Variants in JMY observed in about 807,000 individuals in gnomAD.
The protein encoded by JMY is junction mediating and regulatory protein, p53 cofactor, also known as junction-mediating and -regulatory protein.
A neutral mutation model predicts 103.3 loss-of-function variants in JMY; 46 were observed. That is an observed-to-expected ratio of 0.45 (90% confidence interval 0.35 to 0.57). JMY has a LOEUF of 0.57. Among genes scored for constraint, JMY ranks in the 20% least tolerant of loss-of-function variants. JMY has a pLI of 0.00. For missense variants in JMY, 1,238 were observed against 1,255.2 expected (o/e 0.99, Z 0.21); for synonymous variants, 526 against 489.3 (o/e 1.07, Z -0.99).
Position 79,291,242 on chromosome 5 carries a change from G to C in JMY, c.1470G>C (p.Gln490His). The C allele has an allele frequency of 6.2e-7, 1 of 1,613,166 alleles. No individual in the cohort carries two copies. Among genetic ancestry groups the C allele is most frequent in the Non-Finnish European group, 8.5e-7 (1 of 1,179,648 alleles). ...LQYAVSKETLQMMRAKEICLE... is the reference protein window; with the variant it reads ...LQYAVSKETLHMMRAKEICLE... ...ATGCAGTTTCTAAGGAAACTTTGCA[G>C]ATGATGAGAGCTAAAGAGATATGCT... Residue 490 changes from glutamine (Q) to histidine (H), a missense_variant, in exon 4 of 11, where the codon CAG becomes CAC. Coordinates refer to ENST00000396137, the MANE Select transcript of JMY (RefSeq NM_152405.5).
chr5:79,238,299 T>C (rs528982757), intron 1 of JMY, among the ~76,000 whole-genome samples: 8 of 152,294 alleles, frequency 5.3e-5, no homozygotes, highest in African/African-American at 1.9e-4. Context: ...CAGGTTTCAC[T>C]GCTGTTTTAG....
At chr5:79,256,552 C>A (rs995008106) in intron 1 of JMY, among the ~76,000 whole-genome samples, 1 of 152,164 alleles carries the variant, frequency 6.6e-6, no homozygotes, top group African/African-American at 2.4e-5. Context: ...TCATCTTGCT[C>A]TGTCCTATTC....
Position 79,300,704 on chromosome 5 carries a change from CACTT to C in JMY, c.1725_1728del (p.Tyr576LysfsTer80). 6.2e-7 allele frequency: 1 copy of C among 1,608,100 alleles called. No individual in the cohort carries two copies. The highest frequency in any genetic ancestry group is 8.5e-7 in the Non-Finnish European group (1 of 1,178,466). On this transcript the variant is annotated frameshift_variant, in exon 6 of 11. Transcript: ENST00000396137. LOFTEE classifies it high-confidence loss of function. ...AAAGAGATGAAGTGGTATACTATGA[CACTT>C]ACGAAAGCATGGAGGCCATGCTGGA...
intron 1 of JMY, among the ~76,000 whole-genome samples, chr5:79,249,606 G>A (rs1331747851): frequency 6.6e-6 from 1 of 152,160 alleles, no homozygotes; most frequent in Non-Finnish European, 1.5e-5. Context: ...GGAGGAACAG[G>A]TATTTATCTG....
At chr5:79,301,693 T>A (rs1169281004) in intron 6 of JMY, among the ~76,000 whole-genome samples, 1 of 152,218 alleles carries the variant, frequency 6.6e-6, no homozygotes, top group Non-Finnish European at 1.5e-5. Flanking sequence ...CACATAATTA[T>A]GTGCCTTTGC....
rs773033360 is a variant in JMY at position 79,300,279 on chromosome 5, T to A, written c.1654T>A (p.Leu552Met). The A allele has an allele frequency of 6.3e-7, 1 of 1,590,746 alleles. No homozygotes were observed. Among genetic ancestry groups the A allele is most frequent in the South Asian group, 1.1e-5 (1 of 87,254 alleles). Reference sequence around the variant, plus strand: ...AATCTTGAAGTGTGAAGAGTTACTATTGACAGCGCAACTAGAAAGCATCAA... The same window carrying A: ...AATCTTGAAGTGTGAAGAGTTACTAATGACAGCGCAACTAGAAAGCATCAA... ...FEILKCEELLLTAQLESIKRL... is the reference protein window; with the variant it reads ...FEILKCEELLMTAQLESIKRL... Residue 552 changes from leucine to methionine, a missense_variant, in exon 5 of 11, where the codon TTG becomes ATG. Leu to Met is a conservative substitution (Grantham distance 15). Coordinates refer to ENST00000396137, the MANE Select transcript of JMY (RefSeq NM_152405.5).
intron 1 of JMY, among the ~76,000 whole-genome samples, chr5:79,267,130 TGTG>T (rs1745608350): frequency 6.6e-6 from 1 of 152,240 alleles, no homozygotes; most frequent in Non-Finnish European, 1.5e-5. Context: ...TTTGCATTGG[TGTG>T]GTACATTTGT....
In JMY at chr5:79,236,146, T is replaced by C. The variant is rs531911479; in HGVS notation, c.-505T>C. The C allele has an allele frequency of 2.0e-5, 3 of 150,748 alleles. No homozygotes were observed. Among genetic ancestry groups the C allele is most frequent in the South Asian group, 2.1e-4 (1 of 4,774 alleles). The allele number at this position is 150,748 out of a possible 1,614,324, so 9.3% of individuals were successfully genotyped here. Reference sequence around the variant, plus strand: ...CGACGTCAGCAGTCGAATGGCAACATTGTGGCGATGCTGAGGCGCAGAGTT... The same window carrying C: ...CGACGTCAGCAGTCGAATGGCAACACTGTGGCGATGCTGAGGCGCAGAGTT... On this transcript the variant is annotated 5_prime_UTR_variant, in exon 1 of 11. Transcript: ENST00000396137.
At chr5:79,247,250 C>T (rs1744931704) in intron 1 of JMY, among the ~76,000 whole-genome samples, 1 of 152,122 alleles carries the variant, frequency 6.6e-6, no homozygotes, top group Non-Finnish European at 1.5e-5. Flanking sequence ...ACTGTAATTA[C>T]CTTTTTTTGT....
chr5:79,306,181 A>G (rs1242422434), intron 6 of JMY, among the ~76,000 whole-genome samples, 194 bp from the exon 7 acceptor site: 1 of 152,218 alleles, frequency 6.6e-6, no homozygotes, highest in African/African-American at 2.4e-5. Flanking sequence ...TAATAGTTTC[A>G]TAGAGGAGTC....
intron 10 of JMY, among the ~76,000 whole-genome samples, chr5:79,318,075 C>G (rs559109340): frequency 6.6e-6 from 1 of 152,094 alleles, no homozygotes. Context: ...GATCTCGGCT[C>G]GCTGCAAGCT....
At chr5:79,267,012 CTT>C (rs1291540504) in intron 1 of JMY, among the ~76,000 whole-genome samples, 6 of 152,214 alleles carry the variant, frequency 3.9e-5, no homozygotes, top group Admixed American at 3.9e-4. Flanking sequence ...AATTAATAGA[CTT>C]GAGTTTTTAC....
chr5:79,297,156 C>T (rs1341046582), intron 4 of JMY, among the ~76,000 whole-genome samples: 1 of 152,162 alleles, frequency 6.6e-6, no homozygotes. Context: ...CTAGTCATTA[C>T]CTGGATCACA....
In JMY at chr5:79,300,181, C is replaced by G. The variant is rs772805107; in HGVS notation, c.1556C>G (p.Ala519Gly). The G allele has an allele frequency of 6.2e-7, 1 of 1,613,088 alleles. No individual in the cohort carries two copies. Among genetic ancestry groups the G allele is most frequent in the African/African-American group, 1.3e-5 (1 of 74,812 alleles). The change falls in exon 5 of 11, where the codon GCG (alanine) becomes GGG (glycine). Residue 519 changes from alanine to glycine, a missense_variant. Coordinates refer to ENST00000396137, the MANE Select transcript of JMY (RefSeq NM_152405.5). ...CAGAGTTTGCGGGGTGGTACAGAAG[C>G]GATAGCACGATTGGATCAGTTAGAA... is the stretch of plus-strand genomic sequence containing the variant. ...EMQSLRGGTE[A>G]IARLDQLEAD...
intron 1 of JMY, among the ~76,000 whole-genome samples, chr5:79,264,999 A>G (rs1050467193): frequency 6.6e-6 from 1 of 152,052 alleles, no homozygotes; most frequent in Non-Finnish European, 1.5e-5. Flanking sequence ...TTGGCTTACT[A>G]TAAGCCCTGC....
At chr5:79,291,809 AAT>A (rs1414823850) in intron 4 of JMY, among the ~76,000 whole-genome samples, 2 of 152,322 alleles carry the variant, frequency 1.3e-5, no homozygotes, top group East Asian at 3.9e-4. Flanking sequence ...GACAGTTATA[AAT>A]ATTCATACCC....
At chr5:79,321,538 A>AT (rs1170466939) in intron 10 of JMY, 68 bp from the exon 11 acceptor site, 1 of 152,044 alleles carries the variant, frequency 6.6e-6, no homozygotes, top group Admixed American at 6.6e-5. Flanking sequence ...TTTTTGAGGG[A>AT]ACGTAAATAC....
chr5:79,319,984 T>A (rs188778277), intron 10 of JMY, among the ~76,000 whole-genome samples: 2 of 152,328 alleles, frequency 1.3e-5, no homozygotes, highest in Admixed American at 1.3e-4. Context: ...TGTTCTGCCT[T>A]GTTCGTTCCC....
intron 7 of JMY, among the ~76,000 whole-genome samples, 174 bp from the exon 8 acceptor site, chr5:79,312,229 C>CATATTTCATGTTTCATGAAGTATTAAAA (rs1467013485): frequency 1.3e-5 from 2 of 152,124 alleles, no homozygotes; most frequent in Non-Finnish European, 2.9e-5. Flanking sequence ...TTCATGCTTT[C>CATATTTCATGTTTCATGAAGTATTAAAA]ATATTTCATG....
Sources: gnomAD v4.1 joint callset for allele counts (sites outside exome capture counted in the v4.1 genomes callset) on GRCh38, gnomAD v4.1.1 for gene constraint, MANE v1.5 for transcripts, NCBI Gene and HGNC (gene_info 2026-07-23, HGNC 2026-07-21) for gene names.